PAH: variants seen among roughly 807,000 people sequenced by gnomAD.
PAH encodes phenylalanine hydroxylase.
A neutral mutation model predicts 62.0 loss-of-function variants in PAH; 64 were observed. The ratio of observed to expected loss-of-function variants is 1.03; its 90% confidence interval spans 0.84 to 1.27. The LOEUF (loss-of-function observed/expected upper bound fraction) is 1.27. Ranked by LOEUF, PAH falls within the 50% of genes most tolerant of loss-of-function variation. PAH has a pLI of 0.00. For synonymous variants in PAH, 195 were observed against 196.2 expected (o/e 0.99, Z 0.05); for missense variants, 579 against 542.8 (o/e 1.07, Z -0.66).
At chr12:102,952,988 T>G (rs1879813538), upstream of PAH, among the ~76,000 whole-genome samples, 1 of 152,198 alleles carries the variant, frequency 6.6e-6, no homozygotes, top group Non-Finnish European at 1.5e-5. Context: ...TAGGGTATTC[T>G]TAGAGGCAGT....
intron 2 of PAH, among the ~76,000 whole-genome samples, chr12:102,897,154 C>T (rs941978433): frequency 1.3e-5 from 2 of 152,102 alleles, no homozygotes; most frequent in Non-Finnish European, 1.5e-5. Flanking sequence ...TATATATTGT[C>T]CCATTGCCTT....
chr12:102,884,145 C>A (rs1342017121), intron 3 of PAH, among the ~76,000 whole-genome samples: 2 of 151,956 alleles, frequency 1.3e-5, no homozygotes, highest in Non-Finnish European at 2.9e-5. Context: ...TTGGGTGCAG[C>A]CTATTTGTCT....
At chr12:102,859,380 A>G (rs1043169954) in intron 5 of PAH, among the ~76,000 whole-genome samples, 2 of 152,174 alleles carry the variant, frequency 1.3e-5, no homozygotes, top group Non-Finnish European at 2.9e-5. Flanking sequence ...TTCATAGCCG[A>G]ATTCTACCAG....
In PAH at chr12:102,851,691, G is replaced by A; in HGVS notation, c.908C>T (p.Ser303Phe). The A allele has an allele frequency of 6.2e-7, 1 of 1,613,694 alleles. No homozygotes were observed. The highest frequency in any genetic ancestry group is 2.2e-5 in the East Asian group (1 of 44,858). Residue 303 changes from serine to phenylalanine, a missense_variant, in exon 8 of 13, where the codon TCC becomes TTC. By Grantham distance (155) the Ser-to-Phe change is radical. Transcript: ENST00000553106. ...GCTAAAAAATCCATTCCTTACCTGG[G>A]AAAACTGGGCAAAGCTGCGATCTGA... The part of the protein sequence containing the change: ...LFSDRSFAQF[S>F]QEIGLASLGA...
chr12:102,933,182 A>G (rs1457169039), intron 1 of PAH, among the ~76,000 whole-genome samples: 1 of 152,138 alleles, frequency 6.6e-6, no homozygotes, highest in African/African-American at 2.4e-5. Context: ...CCAAAAATTC[A>G]ATCTTTTTAA....
rs1374872858 is a variant in PAH, at chr12:102,944,209, C to T, written c.-96+6380G>A. Among the ~76,000 whole-genome samples, 3 of 152,116 alleles carry T rather than the reference C, an allele frequency of 2.0e-5. 1 individual carries two copies. The South Asian group carries it at 6.2e-4, about 32-fold the overall frequency. ...TTTAGCCTCCTTCCTTTATCCTTGA[C>T]CTTTTTTGATTATTAAATGTCTTCA... On this transcript the variant is annotated intron_variant, in intron 1 of 3. Coordinates refer to the PAH transcript ENST00000546844.
At chr12:102,862,873 G>A (rs781646631) in intron 5 of PAH, among the ~76,000 whole-genome samples, 1 of 151,930 alleles carries the variant, frequency 6.6e-6, no homozygotes, top group Admixed American at 6.6e-5. Context: ...TAGGCAAAAA[G>A]ATAGCATTTT....
In PAH at chr12:102,849,578, A is replaced by G. The variant is rs115596735; in HGVS notation, c.912+2109T>C. ...AAGAAGCTACATGGTCTGCATCTCT[A>G]TATCACTCCCTGGGCCAAGTCCAGA... is the stretch of plus-strand genomic sequence containing the variant. On this transcript the variant is annotated intron_variant, in intron 8 of 12. Transcript: ENST00000553106. Among the ~76,000 whole-genome samples, 390 of 152,286 alleles carry G rather than the reference A, an allele frequency of 2.6e-3. 3 individuals are homozygous for G. The highest frequency in any genetic ancestry group is 8.7e-3 in the African/African-American group (363 of 41,564).
At chr12:102,889,812 G>C (rs768363145) in intron 3 of PAH, among the ~76,000 whole-genome samples, 4 of 152,156 alleles carry the variant, frequency 2.6e-5, no homozygotes, top group Non-Finnish European at 5.9e-5. Context: ...TCTCCACGTA[G>C]GAATTTTCTA....
At chr12:102,901,766 A>G (rs1436670494) in intron 2 of PAH, among the ~76,000 whole-genome samples, 2 of 152,210 alleles carry the variant, frequency 1.3e-5, no homozygotes, top group Admixed American at 6.5e-5. Context: ...TGGGGACAAC[A>G]TCAAAGACAT....
At chr12:102,927,647 G>A (rs1167500595) in intron 1 of PAH, among the ~76,000 whole-genome samples, 1 of 151,858 alleles carries the variant, frequency 6.6e-6, no homozygotes, top group Non-Finnish European at 1.5e-5. Flanking sequence ...TCAAATAATA[G>A]CTGCAGCCAC....
intron 2 of PAH, among the ~76,000 whole-genome samples, chr12:102,903,870 G>A (rs1174409748): frequency 6.6e-6 from 1 of 152,090 alleles, no homozygotes; most frequent in African/African-American, 2.4e-5. Context: ...GTGGTAAGGT[G>A]AACAGTGTAC....
At chr12:102,930,410 C>T (rs1324019761) in intron 1 of PAH, among the ~76,000 whole-genome samples, 2 of 151,862 alleles carry the variant, frequency 1.3e-5, no homozygotes, top group African/African-American at 4.8e-5. Context: ...AGTTAATCCA[C>T]AGTTAGGTAT....
At chr12:102,863,002 G>GC (rs2136658992) in intron 5 of PAH, among the ~76,000 whole-genome samples, 1 of 151,474 alleles carries the variant, frequency 6.6e-6, no homozygotes, top group Admixed American at 6.6e-5. Flanking sequence ...TCGAGACTAA[G>GC]CACTGATACA....
chr12:102,913,926 A>T, intron 1 of PAH: 1 of 680,606 alleles, frequency 1.5e-6, no homozygotes. Flanking sequence ...AGCAGCAGGT[A>T]CCTAAAACTG....
chr12:102,852,880 G>A lies in PAH; in HGVS notation c.777C>T (p.Ala259=). 1 of 1,614,132 alleles carries A rather than the reference G, an allele frequency of 6.2e-7. No individual in the cohort carries two copies. Among genetic ancestry groups the A allele is most frequent in the Non-Finnish European group, 8.5e-7 (1 of 1,180,014 alleles). Residue 259 remains alanine (A), a synonymous_variant, in exon 7 of 13, where the codon GCC becomes GCT. Transcript: ENST00000553106. Reference sequence around the variant, plus strand: ...ACTGTGTGCAGTGGAAGACTCGGAAGGCCAGGCCACCCAAGAAATCCCGAG... The same window carrying A: ...ACTGTGTGCAGTGGAAGACTCGGAAAGCCAGGCCACCCAAGAAATCCCGAG... The part of the protein sequence containing the change: ...LSSRDFLGGL[A]FRVFHCTQYI...
chr12:102,845,302 A>C (rs1352925538), intron 9 of PAH, among the ~76,000 whole-genome samples: 1 of 152,148 alleles, frequency 6.6e-6, no homozygotes, highest in Non-Finnish European at 1.5e-5. Flanking sequence ...ATATGACAGG[A>C]ACTCCTCCAT....
chr12:102,867,220 A>G (rs1381103588), intron 4 of PAH, among the ~76,000 whole-genome samples: 2 of 152,228 alleles, frequency 1.3e-5, no homozygotes, highest in Non-Finnish European at 2.9e-5. Context: ...TTCTTTCCGG[A>G]ATAAATGGTG....
chr12:102,917,011 ATC>A (rs1327412780), intron 1 of PAH, 58 bp downstream of exon 1: 13 of 1,480,310 alleles, frequency 8.8e-6, no homozygotes, highest in Admixed American at 5.0e-5. Flanking sequence ...CAGTCTTCGG[ATC>A]TCTTTCTCTG....
Sources: allele counts gnomAD v4.1 joint callset (sites outside exome capture counted in the v4.1 genomes callset), GRCh38; gene constraint gnomAD v4.1.1; transcripts MANE v1.5; gene names NCBI Gene and HGNC (gene_info 2026-07-23, HGNC 2026-07-21).